Variants in NKAIN2 observed in about 807,000 individuals in gnomAD.
NKAIN2 encodes the protein sodium/potassium transporting ATPase interacting 2, also known as sodium/potassium-transporting ATPase subunit beta-1-interacting protein 2.
NKAIN2 carries 14 observed loss-of-function variants against 32.6 expected under a neutral mutation model. The ratio of observed to expected loss-of-function variants is 0.43; its 90% confidence interval spans 0.28 to 0.67. NKAIN2 has a LOEUF of 0.67. Ranked by LOEUF, NKAIN2 falls within the 30% of genes least tolerant of loss-of-function variation. NKAIN2 has a pLI of 0.17. For synonymous variants in NKAIN2, 80 were observed against 87.2 expected (o/e 0.92, Z 0.46); for missense variants, 198 against 258.3 (o/e 0.77, Z 1.60).
chr6:124,436,294 G>A (rs951037710), intron 3 of NKAIN2, among the ~76,000 whole-genome samples: 1 of 152,114 alleles, frequency 6.6e-6, no homozygotes, highest in Admixed American at 6.6e-5. Flanking sequence ...TAGCTCAGAT[G>A]CCTTTCTCAG....
chr6:124,792,033 C>G (rs932312356), intron 5 of NKAIN2, among the ~76,000 whole-genome samples: 1 of 152,076 alleles, frequency 6.6e-6, no homozygotes, highest in Non-Finnish European at 1.5e-5. Context: ...GTTCTCTGCT[C>G]TCCGAAACAT....
chr6:124,562,853 AC>A (rs1217227489), intron 3 of NKAIN2, among the ~76,000 whole-genome samples: 1 of 151,646 alleles, frequency 6.6e-6, no homozygotes, highest in Middle Eastern at 3.4e-3. Flanking sequence ...GCCGCTGTAT[AC>A]TCAAGGAGAA....
At chr6:124,572,607 A>G (rs1325847974) in intron 3 of NKAIN2, among the ~76,000 whole-genome samples, 1 of 152,126 alleles carries the variant, frequency 6.6e-6, no homozygotes, top group East Asian at 1.9e-4. Flanking sequence ...TGCCTATCAT[A>G]TGAATAGTCA....
chr6:124,633,160 G>A (rs550165090), intron 3 of NKAIN2, among the ~76,000 whole-genome samples: 6 of 152,282 alleles, frequency 3.9e-5, no homozygotes, highest in Non-Finnish European at 8.8e-5. Context: ...AGGCAAGAAA[G>A]TACAGTGGGA....
chr6:124,343,913 A>G (rs186431517), intron 2 of NKAIN2, among the ~76,000 whole-genome samples: 1 of 142,172 alleles, frequency 7.0e-6, no homozygotes, highest in Non-Finnish European at 1.6e-5. Flanking sequence ...GCACATGCCT[A>G]TGTCCTGAAT....
intron 1 of NKAIN2, among the ~76,000 whole-genome samples, chr6:123,813,571 G>T (rs1773567749): frequency 6.6e-6 from 1 of 152,072 alleles, no homozygotes; most frequent in Admixed American, 6.5e-5. Context: ...CAGCACTTTG[G>T]GAGGCCGAGG....
At chr6:124,381,603 C>T (rs561343325) in intron 3 of NKAIN2, among the ~76,000 whole-genome samples, 9 of 152,244 alleles carry the variant, frequency 5.9e-5, no homozygotes, top group South Asian at 2.1e-4. Flanking sequence ...GTGAGCTATA[C>T]GTTTCATCGA....
chr6:123,884,480 G>A (rs1028411512), intron 1 of NKAIN2, among the ~76,000 whole-genome samples: 3 of 152,096 alleles, frequency 2.0e-5, no homozygotes, highest in African/African-American at 4.8e-5. Context: ...AGCTCTCTGC[G>A]TATGTGGGTG....
At chr6:124,673,021 T>C (rs957852969) in intron 4 of NKAIN2, among the ~76,000 whole-genome samples, 2 of 152,036 alleles carry the variant, frequency 1.3e-5, no homozygotes, top group Non-Finnish European at 2.9e-5. Context: ...AAATATACAC[T>C]CATTGAACAG....
At chr6:124,596,170 G>A (rs1229387002) in intron 3 of NKAIN2, among the ~76,000 whole-genome samples, 1 of 152,150 alleles carries the variant, frequency 6.6e-6, no homozygotes. Context: ...GACCTGCAGG[G>A]TCTGCCGAGG....
chr6:124,336,377 C>G (rs1354897211), intron 2 of NKAIN2, among the ~76,000 whole-genome samples: 3 of 152,218 alleles, frequency 2.0e-5, no homozygotes, highest in African/African-American at 7.2e-5. Flanking sequence ...CTCATGTGTG[C>G]CTCTCTAGGA....
intron 1 of NKAIN2, among the ~76,000 whole-genome samples, chr6:124,166,730 C>A (rs374077454): frequency 2.6e-5 from 4 of 151,536 alleles, no homozygotes; most frequent in East Asian, 1.9e-4. Context: ...TCAGCTTTCT[C>A]CATATGGCTA....
chr6:124,363,479 T>C (rs976480819), intron 3 of NKAIN2, among the ~76,000 whole-genome samples: 4 of 152,184 alleles, frequency 2.6e-5, no homozygotes, highest in South Asian at 4.1e-4. Flanking sequence ...CTAGTGCACA[T>C]AGGCAATTTT....
At chr6:124,214,081 G>A (rs1417702052) in intron 1 of NKAIN2, among the ~76,000 whole-genome samples, 2 of 152,074 alleles carry the variant, frequency 1.3e-5, no homozygotes, top group Non-Finnish European at 2.9e-5. Flanking sequence ...ATACTTCAAT[G>A]TAGACAATAG....
chr6:124,579,692 A>T (rs1056291862), intron 3 of NKAIN2, among the ~76,000 whole-genome samples: 3 of 152,238 alleles, frequency 2.0e-5, no homozygotes, highest in Non-Finnish European at 4.4e-5. Flanking sequence ...AGAACTTCCC[A>T]AACTTAGAGA....
intron 3 of NKAIN2, among the ~76,000 whole-genome samples, chr6:124,429,283 T>C (rs985883438): frequency 4.6e-5 from 7 of 151,966 alleles, no homozygotes; most frequent in African/African-American, 1.7e-4. Context: ...CCTGACCTCA[T>C]ATGATTCACC....
At chr6:124,541,399 A>G (rs1779906900) in intron 3 of NKAIN2, among the ~76,000 whole-genome samples, 1 of 152,198 alleles carries the variant, frequency 6.6e-6, no homozygotes. Flanking sequence ...ATAGCACTAT[A>G]TAAGTTGCTG....
At chr6:124,555,181 G>A (rs1214023601) in intron 3 of NKAIN2, among the ~76,000 whole-genome samples, 3 of 152,132 alleles carry the variant, frequency 2.0e-5, no homozygotes, top group African/African-American at 7.2e-5. Flanking sequence ...TTCCATGCTG[G>A]GCACAGTCTG....
At chr6:123,989,265 T>C (rs960402757) in intron 1 of NKAIN2, among the ~76,000 whole-genome samples, 2 of 152,158 alleles carry the variant, frequency 1.3e-5, no homozygotes, top group African/African-American at 2.4e-5. Context: ...TTCTCTACTT[T>C]AAGCAAAATT....
Sources: allele counts gnomAD v4.1 joint callset (sites outside exome capture counted in the v4.1 genomes callset), GRCh38; gene constraint gnomAD v4.1.1; transcripts MANE v1.5; gene names NCBI Gene and HGNC (gene_info 2026-07-23, HGNC 2026-07-21).